Variants in RALGAPA1 observed in about 807,000 individuals in gnomAD.
The protein encoded by RALGAPA1 is Ral GTPase activating protein catalytic subunit alpha 1.
RALGAPA1 carries 52 observed loss-of-function variants against 269.6 expected under a neutral mutation model. The observed-to-expected ratio is 0.19, with a 90% confidence interval of 0.15 to 0.24. The LOEUF is 0.24. Among genes scored for constraint, RALGAPA1 ranks in the 10% least tolerant of loss-of-function variants. The pLI, the probability that RALGAPA1 is intolerant of heterozygous loss-of-function variation, is 1.00. For synonymous variants in RALGAPA1, 817 were observed against 1,008.3 expected, an observed-to-expected ratio of 0.81 and a Z score of 3.60; for missense variants, 1,917 against 3,013.9, an observed-to-expected ratio of 0.64 and a Z score of 8.52.
intron 35 of RALGAPA1, among the ~76,000 whole-genome samples, chr14:35,615,861 G>T (rs2060218748): frequency 6.6e-6 from 1 of 152,162 alleles, no homozygotes; most frequent in Non-Finnish European, 1.5e-5. Flanking sequence ...GAAGAGTCTG[G>T]CCAGGCATTA....
intron 41 of RALGAPA1, among the ~76,000 whole-genome samples, chr14:35,543,204 T>G (rs996299499): frequency 2.0e-5 from 3 of 152,220 alleles, no homozygotes; most frequent in Non-Finnish European, 4.4e-5. Context: ...AAAATGGAGC[T>G]AATACTTGCA....
chr14:35,734,318 T>C (rs2070775911), intron 12 of RALGAPA1, among the ~76,000 whole-genome samples: 2 of 152,092 alleles, frequency 1.3e-5, no homozygotes, highest in African/African-American at 4.8e-5. Flanking sequence ...TGTAAGGCCA[T>C]GGTCACCAAA....
chr14:35,755,198 A>C (rs2073062530), intron 7 of RALGAPA1, among the ~76,000 whole-genome samples: 1 of 152,074 alleles, frequency 6.6e-6, no homozygotes, highest in Non-Finnish European at 1.5e-5. Context: ...ACAAAAAAAA[A>C]AAAAGTTTTA....
intron 37 of RALGAPA1, among the ~76,000 whole-genome samples, chr14:35,586,238 G>T (rs1470037087): frequency 6.6e-6 from 1 of 152,140 alleles, no homozygotes; most frequent in East Asian, 1.9e-4. Context: ...GTTCACTTAT[G>T]ATTTGGCTGT....
At chr14:35,764,755 G>C (rs1169510140) in intron 4 of RALGAPA1, among the ~76,000 whole-genome samples, 2 of 151,510 alleles carry the variant, frequency 1.3e-5, no homozygotes, top group Non-Finnish European at 2.9e-5. Context: ...ATGTTGCCCA[G>C]GCTGGTCTCA....
chr14:35,764,621 T>C (rs931645209), intron 4 of RALGAPA1, among the ~76,000 whole-genome samples: 2 of 152,002 alleles, frequency 1.3e-5, no homozygotes, highest in African/African-American at 4.8e-5. Flanking sequence ...TCATGGCTCA[T>C]TGTAGCCTTG....
At position 35,635,386 on chromosome 14, in the gene RALGAPA1, G is replaced by A. The variant is rs551938905; in HGVS notation, c.5811+78C>T. The A allele has an allele frequency of 1.6e-5, 22 of 1,399,476 alleles. No homozygotes were observed. The African/African-American group carries it at 2.3e-4, about 15-fold the overall frequency. The allele number at this position is 1,399,476 out of a possible 1,614,324, so 86.7% of individuals were successfully genotyped here. A position where few individuals can be genotyped will look rare whatever the true frequency, so the allele number is the denominator to read the frequency against. On this transcript the variant is annotated intron_variant, in intron 32 of 41. Coordinates refer to ENST00000680220, the MANE Select transcript of RALGAPA1 (RefSeq NM_001346249.2). ...TTTCTAGCTCTAAAAGAATAAAAAT[G>A]TTATACTGAGAAATGTTATTTCTCT...
chr14:35,541,341 G>A (rs961209847), intron 41 of RALGAPA1, among the ~76,000 whole-genome samples: 5 of 152,022 alleles, frequency 3.3e-5, no homozygotes, highest in Non-Finnish European at 7.4e-5. Flanking sequence ...CACCGCACCC[G>A]GCCTTCAAAA....
intron 11 of RALGAPA1, among the ~76,000 whole-genome samples, chr14:35,739,102 A>G (rs766808928): frequency 2.0e-5 from 3 of 152,196 alleles, no homozygotes; most frequent in Non-Finnish European, 4.4e-5. Flanking sequence ...TATTCAAAGA[A>G]TACTGAAACT....
Position 35,683,968 on chromosome 14 carries a change from C to A in RALGAPA1, c.4312G>T (p.Asp1438Tyr), listed in dbSNP as rs759419690. 19 of 1,609,406 alleles carry A rather than the reference C, an allele frequency of 1.2e-5. No homozygotes were observed. The highest frequency in any genetic ancestry group is 5.1e-5 in the Admixed American group (3 of 58,894). The part of the protein sequence containing the change: ...RKFDNFGFGT[D>Y]TGVTSSADVD... Reference sequence around the variant, plus strand: ...TCAGCAGAGGACGTAACCCCAGTGTCGGTTCCAAAGCCAAAATCTATAGGA... The same window carrying A: ...TCAGCAGAGGACGTAACCCCAGTGTAGGTTCCAAAGCCAAAATCTATAGGA... The change falls in exon 21 of 42, where the codon GAC becomes TAC. Residue 1438 changes from aspartate (D) to tyrosine (Y), a missense_variant. This residue lies in a region of RALGAPA1 where 615 missense variants were observed against 790.0 expected (regional missense o/e 0.78). Coordinates refer to ENST00000680220, the MANE Select transcript of RALGAPA1 (RefSeq NM_001346249.2).
chr14:35,654,508 T>G, intron 29 of RALGAPA1, 31 bp from the exon 30 acceptor site: 1 of 1,562,412 alleles, frequency 6.4e-7, no homozygotes, highest in Non-Finnish European at 8.6e-7. Flanking sequence ...TTTTAAAAAT[T>G]TTCATGATGA....
chr14:35,672,518 C>G (rs747483409), intron 25 of RALGAPA1, among the ~76,000 whole-genome samples: 45 of 151,796 alleles, frequency 3.0e-4, no homozygotes, highest in Non-Finnish European at 5.7e-4. Flanking sequence ...CCATATGCCT[C>G]AAGTATCAGT....
chr14:35,750,641 A>G lies in RALGAPA1; in HGVS notation c.852T>C (p.Asp284=). 1 of 1,613,400 alleles carries G rather than the reference A, an allele frequency of 6.2e-7. No individual in the cohort carries two copies. The highest frequency in any genetic ancestry group is 8.5e-7 in the Non-Finnish European group (1 of 1,179,576). ...AATAGATTGCTTCATTGGTTTCAGC[A>G]TCTTTCTTTATCACGACATAATGTG... ...PKPHYVVIKK[D]AETNEAIYCT... The change falls in exon 9 of 42, where the codon GAT becomes GAC. Residue 284 remains aspartate, a synonymous_variant. Coordinates refer to ENST00000680220, the MANE Select transcript of RALGAPA1 (RefSeq NM_001346249.2).
At chr14:35,546,299 C>G (rs1202126369) in intron 41 of RALGAPA1, among the ~76,000 whole-genome samples, 1 of 151,822 alleles carries the variant, frequency 6.6e-6, no homozygotes, top group Non-Finnish European at 1.5e-5. Context: ...TACCGCTAAC[C>G]AGAAAGTGGG....
At chr14:35,799,832 A>G (rs943116548) in intron 1 of RALGAPA1, among the ~76,000 whole-genome samples, 1 of 152,220 alleles carries the variant, frequency 6.6e-6, no homozygotes, top group African/African-American at 2.4e-5. Context: ...AGACCCAACC[A>G]TATGCTGCCA....
In RALGAPA1 at chr14:35,654,352, T is replaced by C. The variant is rs2140042028; in HGVS notation, c.5607+15A>G. On this transcript the variant is annotated intron_variant, in intron 30 of 41. Coordinates refer to ENST00000680220, the MANE Select transcript of RALGAPA1 (RefSeq NM_001346249.2). ...ATTTAACAAGGTCATAATAAATAAA[T>C]GAGAAATTACTTACTTGAATAATTT... The C allele has an allele frequency of 6.4e-7, 1 of 1,571,642 alleles. No homozygotes were observed. Among genetic ancestry groups the C allele is most frequent in the Non-Finnish European group, 8.6e-7 (1 of 1,166,308 alleles).
chr14:35,648,755 G>A (rs577303936), intron 31 of RALGAPA1, among the ~76,000 whole-genome samples: 7 of 152,166 alleles, frequency 4.6e-5, no homozygotes, highest in Non-Finnish European at 7.4e-5. Flanking sequence ...TCTAGATTGC[G>A]CCACTGTACT....
chr14:35,789,312 C>T (rs1359814981), intron 1 of RALGAPA1, among the ~76,000 whole-genome samples: 2 of 151,598 alleles, frequency 1.3e-5, no homozygotes, highest in South Asian at 4.1e-4. Context: ...GAATCTAATG[C>T]CTGATTGGTG....
chr14:35,753,330 A>T (rs2072895707), intron 7 of RALGAPA1, among the ~76,000 whole-genome samples: 1 of 152,192 alleles, frequency 6.6e-6, no homozygotes, highest in African/African-American at 2.4e-5. Flanking sequence ...AAGTAAGTAA[A>T]CAAATGGGGA....
Sources: gnomAD v4.1 joint callset for allele counts (sites outside exome capture counted in the v4.1 genomes callset) on GRCh38, gnomAD v4.1.1 for gene constraint, gnomAD v4.1.1 regional missense constraint, MANE v1.5 for transcripts, NCBI Gene and HGNC (gene_info 2026-07-23, HGNC 2026-07-21) for gene names.